Variants in NLGN1 observed in about 807,000 individuals in gnomAD.
The protein encoded by NLGN1 is neuroligin 1, also known as neuroligin-1.
NLGN1 carries 12 observed loss-of-function variants against 65.5 expected under a neutral mutation model. That is an observed-to-expected ratio of 0.18 (90% CI 0.12 to 0.30). The LOEUF is 0.30. NLGN1 is among the 10% of genes least tolerant of loss of function. NLGN1 has a pLI of 1.00. For missense variants in NLGN1, 750 were observed against 1,007.1 expected (o/e 0.74, Z 3.46); for synonymous variants, 350 against 359.5 (o/e 0.97, Z 0.30).
At chr3:173,624,977 TGTCAGTCTG>T (rs1754601461) in intron 3 of NLGN1, among the ~76,000 whole-genome samples, 1 of 152,116 alleles carries the variant, frequency 6.6e-6, no homozygotes, top group Non-Finnish European at 1.5e-5. Flanking sequence ...ATTTCATCCA[TGTCAGTCTG>T]GTCAGACAGA....
intron 1 of NLGN1, among the ~76,000 whole-genome samples, chr3:173,430,190 A>C (rs1278877778): frequency 6.6e-6 from 1 of 152,142 alleles, no homozygotes; most frequent in Non-Finnish European, 1.5e-5. Context: ...TGTTGTGGCC[A>C]GAAGCTTTTG....
intron 3 of NLGN1, among the ~76,000 whole-genome samples, chr3:173,732,649 G>A (rs934382000): frequency 7.2e-5 from 11 of 151,884 alleles, no homozygotes; most frequent in Non-Finnish European, 1.3e-4. Flanking sequence ...AAAAAGTGAC[G>A]GTTTTTTAAA....
intron 4 of NLGN1, among the ~76,000 whole-genome samples, chr3:173,938,445 T>C (rs1745419196): frequency 2.0e-5 from 3 of 152,292 alleles, no homozygotes; most frequent in African/African-American, 7.2e-5. Flanking sequence ...AGCAGAGGCC[T>C]TTCAGTGATC....
intron 4 of NLGN1, among the ~76,000 whole-genome samples, chr3:173,888,950 G>A (rs1376189637): frequency 1.3e-5 from 2 of 152,050 alleles, no homozygotes; most frequent in Non-Finnish European, 2.9e-5. Context: ...TGATCACTTT[G>A]GCTGGAGATT....
At chr3:174,282,134 A>T (rs1037445203) in exon 7 of NLGN1, 1 of 152,330 alleles carries the variant, frequency 6.6e-6, no homozygotes, top group African/African-American at 2.4e-5. Context: ...AACTATAGGT[A>T]TAGTGGTGAA....
intron 4 of NLGN1, among the ~76,000 whole-genome samples, chr3:174,223,350 A>G (rs1233370209): frequency 2.0e-5 from 3 of 152,050 alleles, no homozygotes; most frequent in African/African-American, 4.8e-5. Context: ...AATCTTTGTA[A>G]TTTTCTTGGC....
intron 4 of NLGN1, among the ~76,000 whole-genome samples, chr3:174,053,660 T>C (rs1735400803): frequency 6.6e-6 from 1 of 151,964 alleles, no homozygotes; most frequent in Admixed American, 6.6e-5. Context: ...TGGCTTCAAC[T>C]CTTCCTTTCC....
chr3:173,681,293 T>A (rs371382363), intron 3 of NLGN1, among the ~76,000 whole-genome samples: 1 of 152,324 alleles, frequency 6.6e-6, no homozygotes, highest in East Asian at 1.9e-4. Context: ...AGTGTTTGGA[T>A]GTGAAAGAGG....
At chr3:173,651,093 A>G (rs1040966202) in intron 3 of NLGN1, among the ~76,000 whole-genome samples, 3 of 150,236 alleles carry the variant, frequency 2.0e-5, no homozygotes, top group South Asian at 2.1e-4. Context: ...CCACCCTCCT[A>G]CCCCTCCAAG....
At chr3:173,789,285 T>G (rs1452081951) in intron 3 of NLGN1, among the ~76,000 whole-genome samples, 2 of 152,138 alleles carry the variant, frequency 1.3e-5, no homozygotes, top group Non-Finnish European at 2.9e-5. Flanking sequence ...AAGCGTGAAG[T>G]GTGCATGCAC....
chr3:173,859,521 C>G (rs984476126), intron 4 of NLGN1, among the ~76,000 whole-genome samples: 1 of 152,066 alleles, frequency 6.6e-6, no homozygotes, highest in African/African-American at 2.4e-5. Context: ...CTATTTCACT[C>G]TTTAGAAAAT....
At chr3:174,282,810 T>G (rs1233213363) in exon 7 of NLGN1, 1 of 151,260 alleles carries the variant, frequency 6.6e-6, no homozygotes, top group Non-Finnish European at 1.5e-5. Flanking sequence ...GTTATGTGAT[T>G]TTTTTTTTAC....
At chr3:173,951,926 T>C (rs1748293890) in intron 4 of NLGN1, among the ~76,000 whole-genome samples, 1 of 152,294 alleles carries the variant, frequency 6.6e-6, no homozygotes, top group East Asian at 1.9e-4. Flanking sequence ...GTTAAACCAT[T>C]TTGGTTAGAT....
At chr3:173,559,916 T>G (rs1742384139) in intron 2 of NLGN1, among the ~76,000 whole-genome samples, 1 of 151,620 alleles carries the variant, frequency 6.6e-6, no homozygotes, top group Non-Finnish European at 1.5e-5. Flanking sequence ...TTGACTTCAG[T>G]GATAATGTTA....
intron 4 of NLGN1, among the ~76,000 whole-genome samples, chr3:173,834,985 T>G (rs1414543995): frequency 1.3e-5 from 2 of 152,214 alleles, no homozygotes; most frequent in Non-Finnish European, 2.9e-5. Context: ...CTGTTGGCAC[T>G]GAACTTATGT....
At chr3:173,668,205 A>G (rs1254788605) in intron 3 of NLGN1, among the ~76,000 whole-genome samples, 1 of 152,164 alleles carries the variant, frequency 6.6e-6, no homozygotes, top group Non-Finnish European at 1.5e-5. Flanking sequence ...CTTAGGGAGA[A>G]TCTAACTAGA....
chr3:173,733,991 TATA>T (rs2150070534), intron 3 of NLGN1, among the ~76,000 whole-genome samples: 1 of 152,160 alleles, frequency 6.6e-6, no homozygotes, highest in Admixed American at 6.5e-5. Flanking sequence ...TGACAAAAGA[TATA>T]ATATTACCGG....
chr3:173,741,041 A>C (rs915214291), intron 3 of NLGN1, among the ~76,000 whole-genome samples: 2 of 152,184 alleles, frequency 1.3e-5, no homozygotes, highest in African/African-American at 4.8e-5. Context: ...GCATATAGGT[A>C]TACAATTAGT....
intron 2 of NLGN1, among the ~76,000 whole-genome samples, chr3:173,583,295 C>T (rs1261878816): frequency 6.6e-6 from 1 of 152,178 alleles, no homozygotes; most frequent in Admixed American, 6.5e-5. Context: ...TTAATAATTA[C>T]ATTACTTCTA....
Sources: gnomAD v4.1 joint callset for allele counts (sites outside exome capture counted in the v4.1 genomes callset) on GRCh38, gnomAD v4.1.1 for gene constraint, MANE v1.5 for transcripts, NCBI Gene and HGNC (gene_info 2026-07-23, HGNC 2026-07-21) for gene names.